RELN: variants seen among roughly 807,000 people sequenced by gnomAD.
The protein encoded by RELN is reelin.
Under a neutral mutation model 427.6 loss-of-function variants are expected in RELN, and 108 were observed. The ratio of observed to expected loss-of-function variants is 0.25; its 90% CI spans 0.22 to 0.30. RELN has a LOEUF of 0.30. Among genes scored for constraint, RELN ranks in the 10% least tolerant of loss-of-function variants. The pLI, the probability that RELN is intolerant of heterozygous loss-of-function variation, is 1.00. For missense variants in RELN, 3,715 were observed against 4,302.8 expected (o/e 0.86, Z 3.82); for synonymous variants, 1,524 against 1,513.4 (o/e 1.01, Z -0.16).
intron 2 of RELN, among the ~76,000 whole-genome samples, chr7:103,877,940 CT>C (rs1221199109): frequency 6.7e-6 from 1 of 150,088 alleles, no homozygotes; most frequent in African/African-American, 2.5e-5. Flanking sequence ...ACTGCGACCT[CT>C]GCCTCCTGAC....
intron 2 of RELN, among the ~76,000 whole-genome samples, chr7:103,895,353 C>G (rs532582856): frequency 6.6e-6 from 1 of 151,930 alleles, no homozygotes; most frequent in Non-Finnish European, 1.5e-5. Context: ...CAAATGGGGG[C>G]CCATTAAAAT....
intron 1 of RELN, among the ~76,000 whole-genome samples, chr7:103,920,579 GTT>G (rs1205659662): frequency 1.1e-5 from 1 of 88,872 alleles, no homozygotes; most frequent in Admixed American, 1.3e-4. Flanking sequence ...TTTTTTTTTT[GTT>G]TTTTTTTTTT....
rs767258528 is a variant in RELN at position 103,551,179 on chromosome 7, G to C, written c.6190C>G (p.His2064Asp). 1.9e-6 allele frequency: 3 copies of C among 1,614,088 alleles called. No homozygotes were observed. The highest frequency in any genetic ancestry group is 2.5e-6 in the Non-Finnish European group (3 of 1,180,020). The change falls in exon 41 of 65, where the codon CAC (histidine) becomes GAC (aspartate). Residue 2064 changes from histidine (H) to aspartate (D), a missense_variant. His to Asp is a moderately conservative substitution (Grantham distance 81, BLOSUM62 -1). Transcript: ENST00000428762. ...TCGGTGGAGCATAAAGAGCTGACGT[G>C]GCTGCTGCTGTGGTAGCAGAGGGGC... Reference protein sequence around the residue: ...LLPLCYHSSSHVSSLCSTEHH... With the variant: ...LLPLCYHSSSDVSSLCSTEHH...
chr7:103,857,529 C>T (rs903227886), intron 2 of RELN, among the ~76,000 whole-genome samples: 1 of 152,188 alleles, frequency 6.6e-6, no homozygotes, highest in African/African-American at 2.4e-5. Context: ...ACAGGATATG[C>T]ACACGTAAGG....
In RELN at chr7:103,939,724, G is replaced by C. The variant is rs145320049; in HGVS notation, c.227-22539C>G. 7.3e-4 allele frequency among the ~76,000 whole-genome samples: 111 copies of C among 152,218 alleles called. 1 individual carries two copies. Among genetic ancestry groups the C allele is most frequent in the African/African-American group, 2.4e-3 (101 of 41,548 alleles). On this transcript the variant is annotated intron_variant, in intron 1 of 64. Transcript: ENST00000428762. ...TGCTATTTACAGTAATGAAAAACTGGAACAGCCTAAATGTTCAATGTTCAA... is the reference window on the plus strand; with the variant it reads ...TGCTATTTACAGTAATGAAAAACTGCAACAGCCTAAATGTTCAATGTTCAA...
At chr7:103,568,730 T>G (rs1830816821) in intron 31 of RELN, among the ~76,000 whole-genome samples, 2 of 152,224 alleles carry the variant, frequency 1.3e-5, no homozygotes, top group South Asian at 4.1e-4. Context: ...TGGCTACTAA[T>G]TTGTATTAAT....
intron 2 of RELN, among the ~76,000 whole-genome samples, chr7:103,841,703 T>C (rs1403102124): frequency 1.3e-5 from 2 of 152,128 alleles, no homozygotes; most frequent in African/African-American, 4.8e-5. Context: ...TGATCCCCCA[T>C]CTCTACAAGA....
chr7:103,900,341 G>A (rs897120017), intron 2 of RELN, among the ~76,000 whole-genome samples: 5 of 152,092 alleles, frequency 3.3e-5, no homozygotes, highest in Admixed American at 6.6e-5. Context: ...TGTATAGGAA[G>A]AATCAATATC....
intron 2 of RELN, among the ~76,000 whole-genome samples, chr7:103,872,900 T>C (rs1431415087): frequency 6.6e-6 from 1 of 151,734 alleles, no homozygotes; most frequent in Non-Finnish European, 1.5e-5. Context: ...CGCCCACTTT[T>C]TGATGGGGTT....
chr7:103,703,012 T>G (rs981383737), intron 8 of RELN, among the ~76,000 whole-genome samples: 2 of 151,954 alleles, frequency 1.3e-5, no homozygotes, highest in African/African-American at 4.9e-5. Context: ...CTTGAAGCAT[T>G]CATCATAAAA....
intron 9 of RELN, among the ~76,000 whole-genome samples, chr7:103,698,669 T>C (rs1333637206): frequency 6.6e-6 from 1 of 152,098 alleles, no homozygotes; most frequent in Non-Finnish European, 1.5e-5. Context: ...TCCATCACCA[T>C]GCCCAGCTAA....
At chr7:103,643,635 T>C (rs1390975357) in intron 16 of RELN, among the ~76,000 whole-genome samples, 4 of 152,010 alleles carry the variant, frequency 2.6e-5, no homozygotes, top group East Asian at 1.9e-4. Flanking sequence ...AAAAAAAAGA[T>C]TAGCATGAGA....
intron 1 of RELN, among the ~76,000 whole-genome samples, chr7:103,939,284 TAAAGA>T (rs1404347662): frequency 1.3e-5 from 2 of 152,030 alleles, no homozygotes; most frequent in African/African-American, 2.4e-5. Flanking sequence ...CCAAATAAAT[TAAAGA>T]AAATAAGTAA....
At chr7:103,691,674 G>A (rs1336484447) in intron 10 of RELN, among the ~76,000 whole-genome samples, 1 of 152,004 alleles carries the variant, frequency 6.6e-6, no homozygotes, top group African/African-American at 2.4e-5. Flanking sequence ...TTAGCCGGGT[G>A]TGGTGGCGCA....
At chr7:103,497,789 C>G (rs748328962) in intron 55 of RELN, 31 bp downstream of exon 55, 2 of 1,574,066 alleles carry the variant, frequency 1.3e-6, no homozygotes, top group South Asian at 2.2e-5. Flanking sequence ...GGAATCTGCT[C>G]CAAGGGGTGG....
chr7:103,531,520 AG>A (rs1829940272), intron 46 of RELN, among the ~76,000 whole-genome samples: 1 of 152,154 alleles, frequency 6.6e-6, no homozygotes, highest in Admixed American at 6.5e-5. Context: ...GCATCCGTTC[AG>A]TTTTGCAACT....
chr7:103,851,823 T>G (rs928411519), intron 2 of RELN, among the ~76,000 whole-genome samples: 2 of 152,216 alleles, frequency 1.3e-5, no homozygotes, highest in African/African-American at 4.8e-5. Context: ...GCAGTTCAAG[T>G]AGGCATTATT....
At chr7:103,777,591 TC>T (rs1791776879) in intron 3 of RELN, among the ~76,000 whole-genome samples, 1 of 152,234 alleles carries the variant, frequency 6.6e-6, no homozygotes, top group South Asian at 2.1e-4. Context: ...GCCTATGTAT[TC>T]CCCCTTGATA....
chr7:103,897,481 T>C (rs34740458), intron 2 of RELN, among the ~76,000 whole-genome samples: 1 of 152,092 alleles, frequency 6.6e-6, no homozygotes, highest in Non-Finnish European at 1.5e-5. Context: ...CATTTGTTTA[T>C]TCCATTTGAA....
Sources: gnomAD v4.1 joint callset for allele counts (sites outside exome capture counted in the v4.1 genomes callset) on GRCh38, gnomAD v4.1.1 for gene constraint, MANE v1.5 for transcripts, NCBI Gene and HGNC (gene_info 2026-07-23, HGNC 2026-07-21) for gene names.